The following NALCN variants were observed in gnomAD, a reference collection of about 807,000 sequenced individuals.
The protein encoded by NALCN is sodium leak channel, non-selective.
NALCN carries 111 observed loss-of-function variants against 225.3 expected under a neutral mutation model. The ratio of observed to expected loss-of-function variants is 0.49; its 90% CI spans 0.42 to 0.58. NALCN has a LOEUF of 0.58. Among genes scored for constraint, NALCN ranks in the 20% least tolerant of loss-of-function variants. The pLI is 0.00. For synonymous variants in NALCN, 764 were observed against 769.0 expected, an observed-to-expected ratio of 0.99 and a Z score of 0.11; for missense variants, 1,378 against 2,202.4, an observed-to-expected ratio of 0.63 and a Z score of 7.49.
rs763952747 is a variant in NALCN at position 101,258,447 on chromosome 13, G to A, written c.1262C>T (p.Ala421Val). 4 of 1,613,960 alleles carry A rather than the reference G, an allele frequency of 2.5e-6. No homozygotes were observed. The highest frequency in any genetic ancestry group is 4.5e-5 in the East Asian group (2 of 44,872). ...GCACGGTGGAGAGCTGCTTACCTCC[G>A]CCAGGTAGAACTCGTCGTACTGCCT... ...FRRQYDEFYLAEVAFTVLFDL... is the reference protein window; with the variant it reads ...FRRQYDEFYLVEVAFTVLFDL... Residue 421 changes from alanine to valine, a missense_variant, in exon 11 of 44, where the codon GCG becomes GTG. Ala to Val is a moderately conservative substitution (Grantham distance 64). Transcript: ENST00000251127.
intron 1 of NALCN, among the ~76,000 whole-genome samples, chr13:101,408,522 C>G (rs1268605952): frequency 6.6e-6 from 1 of 152,182 alleles, no homozygotes; most frequent in East Asian, 1.9e-4. Context: ...GGCATCACAG[C>G]GGCAATGCGT....
At chr13:101,371,577 A>G (rs72654879) in intron 6 of NALCN, among the ~76,000 whole-genome samples, 5,308 of 152,280 alleles carry the variant, frequency 0.035, 117 homozygotes, top group Middle Eastern at 0.051. Context: ...TATTTGTACC[A>G]TCCTCTATTC....
At position 101,248,036 on chromosome 13, in the gene NALCN, C is replaced by T. The variant is rs1050546150; in HGVS notation, c.1267-10114G>A. On this transcript the variant is annotated intron_variant, in intron 11 of 43. Transcript: ENST00000251127. ...GCTGCCTAGTATTCCATAGTGTATA[C>T]GTACCACATTTTCTTTATCCAGTCT... 9.9e-5 allele frequency among the ~76,000 whole-genome samples: 15 copies of T among 152,064 alleles called. 1 individual carries two copies. In the South Asian group the frequency reaches 3.1e-3, roughly 32 times the overall value.
intron 15 of NALCN, among the ~76,000 whole-genome samples, chr13:101,161,548 T>C (rs9518316): frequency 0.22 from 33,923 of 152,150 alleles, 4,749 homozygotes; most frequent in Non-Finnish European, 0.31. Flanking sequence ...TTATAAGCTT[T>C]CAGTGGCTCA....
chr13:101,209,576 C>T (rs1345168561), intron 13 of NALCN, among the ~76,000 whole-genome samples: 1 of 152,056 alleles, frequency 6.6e-6, no homozygotes, highest in East Asian at 1.9e-4. Flanking sequence ...ACATTATATT[C>T]TGTTAGAACA....
In NALCN at chr13:101,124,661, G is replaced by T; in HGVS notation, c.2139C>A (p.Ser713Arg). 6.2e-7 allele frequency: 1 copy of T among 1,614,004 alleles called. No individual in the cohort carries two copies. Among genetic ancestry groups the T allele is most frequent in the South Asian group, 1.1e-5 (1 of 91,064 alleles). ...IDQKLRKSVFSIRARNLLEKE... is the reference protein window; with the variant it reads ...IDQKLRKSVFRIRARNLLEKE... ...TTTCCAGAAGGTTCCTTGCCCTGAT[G>T]CTGAAAACAGACTTGCGAAGCTGAA... Residue 713 changes from serine to arginine, a missense_variant, in exon 18 of 44, where the codon AGC (serine) becomes AGA (arginine). Coordinates refer to ENST00000251127, the MANE Select transcript of NALCN (RefSeq NM_052867.4).
At chr13:101,179,727 C>T (rs1182320288) in intron 14 of NALCN, among the ~76,000 whole-genome samples, 1 of 152,048 alleles carries the variant, frequency 6.6e-6, no homozygotes, top group Non-Finnish European at 1.5e-5. Flanking sequence ...CAGTGATGTC[C>T]TCCATATGCG....
chr13:101,405,666 C>T (rs1431056488), intron 1 of NALCN, among the ~76,000 whole-genome samples: 2 of 152,232 alleles, frequency 1.3e-5, no homozygotes, highest in African/African-American at 4.8e-5. Context: ...AGACCAGAAT[C>T]CAGCAACTCT....
At chr13:101,061,470 C>G (rs2031932078) in intron 41 of NALCN, among the ~76,000 whole-genome samples, 1 of 151,962 alleles carries the variant, frequency 6.6e-6, no homozygotes. Flanking sequence ...CAACTTCTAC[C>G]TCCCAGGTTC....
At chr13:101,343,985 C>A (rs1397467779) in intron 7 of NALCN, among the ~76,000 whole-genome samples, 1 of 152,156 alleles carries the variant, frequency 6.6e-6, no homozygotes, top group Admixed American at 6.6e-5. Flanking sequence ...CCATAGAAGA[C>A]ATGGATACAC....
At chr13:101,070,072 T>C (rs1254767737) in intron 37 of NALCN, among the ~76,000 whole-genome samples, 1 of 140,050 alleles carries the variant, frequency 7.1e-6, no homozygotes, top group Non-Finnish European at 1.6e-5. Context: ...TGTTTTTTTT[T>C]TTTTTTTTTT....
chr13:101,346,939 A>C (rs1454858485), intron 6 of NALCN, among the ~76,000 whole-genome samples: 1 of 152,170 alleles, frequency 6.6e-6, no homozygotes, highest in Non-Finnish European at 1.5e-5. Context: ...AATGGAGAAC[A>C]ACCCTAAGAC....
intron 15 of NALCN, among the ~76,000 whole-genome samples, chr13:101,172,499 T>C (rs67054789): frequency 0.28 from 42,421 of 152,148 alleles, 7,082 homozygotes; most frequent in Non-Finnish European, 0.36. Context: ...CTCCCCTGTA[T>C]GAGGGCTGCT....
chr13:101,235,255 CATT>C (rs1429430229), intron 12 of NALCN, among the ~76,000 whole-genome samples: 4 of 151,958 alleles, frequency 2.6e-5, no homozygotes, highest in African/African-American at 9.7e-5. Flanking sequence ...TTTTTTCTCT[CATT>C]AATTCTATAA....
intron 1 of NALCN, among the ~76,000 whole-genome samples, chr13:101,412,580 AC>A (rs1742901504): frequency 6.6e-6 from 1 of 152,156 alleles, no homozygotes; most frequent in Non-Finnish European, 1.5e-5. Context: ...CCTGCTTCCA[AC>A]TTTCAACTTC....
chr13:101,116,013 G>A (rs1196559903), intron 18 of NALCN, among the ~76,000 whole-genome samples: 1 of 152,118 alleles, frequency 6.6e-6, no homozygotes, highest in African/African-American at 2.4e-5. Flanking sequence ...CATTATGCAG[G>A]CATATGTAAT....
chr13:101,076,017 TGTG>T, intron 34 of NALCN, 76 bp from the exon 35 acceptor site: 4 of 1,229,602 alleles, frequency 3.3e-6, no homozygotes, highest in Non-Finnish European at 2.3e-6. Context: ...TTAAGCCTTC[TGTG>T]AAGTATACTG....
intron 27 of NALCN, among the ~76,000 whole-genome samples, chr13:101,098,443 T>TC (rs1324129386): frequency 1.2e-4 from 18 of 152,154 alleles, no homozygotes; most frequent in African/African-American, 4.1e-4. Flanking sequence ...TCAAAAGGTA[T>TC]CCTCAGCGTT....
intron 7 of NALCN, among the ~76,000 whole-genome samples, chr13:101,301,173 C>T (rs1425274395): frequency 1.3e-5 from 2 of 152,182 alleles, no homozygotes; most frequent in East Asian, 3.9e-4. Flanking sequence ...GAAGTGTTGA[C>T]AAGCCGGATG....
Sources: gnomAD v4.1 joint callset for allele counts (sites outside exome capture counted in the v4.1 genomes callset) on GRCh38, gnomAD v4.1.1 for gene constraint, MANE v1.5 for transcripts, NCBI Gene and HGNC (gene_info 2026-07-23, HGNC 2026-07-21) for gene names.